R3HDM2: variants seen among roughly 807,000 people sequenced by gnomAD.
R3HDM2 encodes the protein R3H domain containing 2.
In R3HDM2, 38 loss-of-function variants were observed where a neutral mutation model predicts 124.5. The observed-to-expected ratio is 0.31, with a 90% CI of 0.24 to 0.40. R3HDM2 has a LOEUF of 0.40. R3HDM2 is among the 10% of genes least tolerant of loss of function. R3HDM2 has a pLI of 1.00. For missense variants in R3HDM2, 869 were observed against 1,236.9 expected, an observed-to-expected ratio of 0.70 and a Z score of 4.46; for synonymous variants, 391 against 448.0, an observed-to-expected ratio of 0.87 and a Z score of 1.61.
intron 23 of R3HDM2, among the ~76,000 whole-genome samples, 199 bp from the exon 24 acceptor site, chr12:57,255,312 C>T (rs1023341989): frequency 6.6e-6 from 1 of 152,178 alleles, no homozygotes; most frequent in African/African-American, 2.4e-5. Flanking sequence ...ACAAATGAAC[C>T]TTTCTATTCT....
intron 2 of R3HDM2, among the ~76,000 whole-genome samples, chr12:57,356,370 A>C: frequency 6.6e-6 from 1 of 152,044 alleles, no homozygotes; most frequent in East Asian, 1.9e-4. Flanking sequence ...TTATTTTTTC[A>C]GTCTGTTAAT....
At chr12:57,333,569 G>A (rs1356999754) in intron 2 of R3HDM2, among the ~76,000 whole-genome samples, 1 of 152,030 alleles carries the variant, frequency 6.6e-6, no homozygotes, top group Non-Finnish European at 1.5e-5. Flanking sequence ...GCAGGCGCCT[G>A]TAATCCCAGC....
At chr12:57,325,836 C>A (rs991391303) in intron 2 of R3HDM2, among the ~76,000 whole-genome samples, 4 of 151,216 alleles carry the variant, frequency 2.6e-5, no homozygotes, top group Non-Finnish European at 5.9e-5. Context: ...AGCCACTGTG[C>A]CTGGTTTTTT....
intron 2 of R3HDM2, among the ~76,000 whole-genome samples, chr12:57,361,048 C>CAAAAAAA (rs35437591): frequency 1.7e-4 from 10 of 60,040 alleles, no homozygotes; most frequent in East Asian, 3.6e-4. Flanking sequence ...AGACACGTCT[C>CAAAAAAA]AAAAAAAAAA....
intron 1 of R3HDM2, among the ~76,000 whole-genome samples, chr12:57,397,879 A>G (rs2067705076): frequency 6.6e-6 from 1 of 152,220 alleles, no homozygotes; most frequent in Admixed American, 6.6e-5. Context: ...TAATCATATC[A>G]TAATTAAAAG....
intron 2 of R3HDM2, among the ~76,000 whole-genome samples, chr12:57,383,321 T>C (rs1239248465): frequency 6.6e-6 from 1 of 152,066 alleles, no homozygotes; most frequent in African/African-American, 2.4e-5. Context: ...TCTAAATAAA[T>C]AAATAAAGGT....
chr12:57,381,382 T>C (rs2064848487), intron 2 of R3HDM2, among the ~76,000 whole-genome samples: 1 of 151,806 alleles, frequency 6.6e-6, no homozygotes, highest in Non-Finnish European at 1.5e-5. Flanking sequence ...CGAAACCCTG[T>C]TTCTACAAAA....
intron 14 of R3HDM2, among the ~76,000 whole-genome samples, chr12:57,278,776 G>A (rs940933272): frequency 6.6e-6 from 1 of 152,174 alleles, no homozygotes; most frequent in Admixed American, 6.5e-5. Context: ...TGACTTGCAT[G>A]CAAATTACAT....
At chr12:57,274,242 G>A (rs939496695) in intron 14 of R3HDM2, among the ~76,000 whole-genome samples, 13 of 152,124 alleles carry the variant, frequency 8.5e-5, no homozygotes, top group Middle Eastern at 3.2e-3. Flanking sequence ...CAACACTTTG[G>A]GAGGCTGAGG....
chr12:57,268,830 A>G, intron 17 of R3HDM2, 92 bp downstream of exon 17: 1 of 1,422,824 alleles, frequency 7.0e-7, no homozygotes, highest in African/African-American at 1.4e-5. Context: ...CTATTTTAGT[A>G]TTGGAGTTTT....
intron 2 of R3HDM2, among the ~76,000 whole-genome samples, chr12:57,385,265 C>T (rs1479735672): frequency 7.0e-5 from 10 of 143,126 alleles, no homozygotes; most frequent in Non-Finnish European, 1.1e-4. Flanking sequence ...TTTTTTGAGA[C>T]GGAGTCTCAC....
At chr12:57,381,192 T>C (rs529423020) in intron 2 of R3HDM2, among the ~76,000 whole-genome samples, 5 of 151,598 alleles carry the variant, frequency 3.3e-5, no homozygotes, top group East Asian at 3.9e-4. Context: ...TATCACGCCA[T>C]TGCACTCCAA....
At chr12:57,342,872 ATTGT>A (rs1450859474) in intron 2 of R3HDM2, among the ~76,000 whole-genome samples, 1 of 152,186 alleles carries the variant, frequency 6.6e-6, no homozygotes, top group Non-Finnish European at 1.5e-5. Context: ...ATTTAGTAAA[ATTGT>A]TTTTCATTTT....
Position 57,409,013 on chromosome 12 carries a change from T to C in R3HDM2, c.-105-13195A>G, listed in dbSNP as rs149168783. ...CTCAGCAATTGACTTAATTAAATTA[T>C]ACTGCATATTGTTTCCATCACAGGA... On this transcript the variant is annotated intron_variant, in intron 1 of 23. Coordinates refer to ENST00000402412, the MANE Select transcript of R3HDM2 (RefSeq NM_001394031.1). 4.7e-3 allele frequency among the ~76,000 whole-genome samples: 716 copies of C among 152,328 alleles called. 4 individuals are homozygous for C. Among genetic ancestry groups the C allele is most frequent in the Non-Finnish European group, 4.5e-3 (307 of 68,032 alleles).
chr12:57,320,274 A>G (rs2056166165), intron 2 of R3HDM2, among the ~76,000 whole-genome samples: 1 of 136,946 alleles, frequency 7.3e-6, no homozygotes, highest in African/African-American at 2.5e-5. Context: ...AAAAAAAAAA[A>G]AAAAAAAAAA....
At chr12:57,330,563 T>C (rs564320463) in intron 2 of R3HDM2, among the ~76,000 whole-genome samples, 2 of 150,794 alleles carry the variant, frequency 1.3e-5, no homozygotes, top group African/African-American at 4.9e-5. Flanking sequence ...CAGGCTGGTC[T>C]TGAACTCCTG....
At chr12:57,257,862 G>T in intron 21 of R3HDM2, 128 bp downstream of exon 21, 1 of 1,038,202 alleles carries the variant, frequency 9.6e-7, no homozygotes, top group Non-Finnish European at 1.3e-6. Flanking sequence ...GTTAAAGGAA[G>T]AGTTAACTCC....
At chr12:57,293,605 A>G (rs985008978) in intron 10 of R3HDM2, among the ~76,000 whole-genome samples, 1 of 152,170 alleles carries the variant, frequency 6.6e-6, no homozygotes, top group African/African-American at 2.4e-5. Flanking sequence ...GGTAGGGTGT[A>G]ATAGAGTGTC....
intron 2 of R3HDM2, among the ~76,000 whole-genome samples, chr12:57,380,989 G>A (rs1169205384): frequency 3.9e-5 from 6 of 152,000 alleles, no homozygotes; most frequent in African/African-American, 7.3e-5. Context: ...CAGCACTTTC[G>A]GAGGCAGAGA....
Sources: gnomAD v4.1 joint callset for allele counts (sites outside exome capture counted in the v4.1 genomes callset) on GRCh38, gnomAD v4.1.1 for gene constraint, MANE v1.5 for transcripts, NCBI Gene and HGNC (gene_info 2026-07-23, HGNC 2026-07-21) for gene names.